CHI3L2: variants seen among roughly 807,000 people sequenced by gnomAD.
The protein encoded by CHI3L2 is chitinase-3-like protein 2.
A neutral mutation model predicts 47.3 loss-of-function variants in CHI3L2; 47 were observed. The observed-to-expected ratio is 0.99, with a 90% CI of 0.79 to 1.27. CHI3L2 has a LOEUF of 1.27. Ranked by LOEUF, CHI3L2 falls within the 50% of genes most tolerant of loss-of-function variation. CHI3L2 has a pLI of 0.00. For synonymous variants in CHI3L2, 198 were observed against 169.9 expected, an observed-to-expected ratio of 1.17 and a Z score of -1.28; for missense variants, 497 against 462.1, an observed-to-expected ratio of 1.08 and a Z score of -0.69.
At position 111,241,405 on chromosome 1, in the gene CHI3L2, T is replaced by G; in HGVS notation, c.997T>G (p.Trp333Gly). ...QVPYAVKGNQWVGYDDVKSME... is the reference protein window; with the variant it reads ...QVPYAVKGNQGVGYDDVKSME... ...TCCCTACGCAGTCAAGGGGAACCAGTGGGTGGGCTATGATGATGTGAAGAG... is the reference window on the plus strand; with the variant it reads ...TCCCTACGCAGTCAAGGGGAACCAGGGGGTGGGCTATGATGATGTGAAGAG... Residue 333 changes from tryptophan (W) to glycine (G), a missense_variant, in exon 9 of 11, where the codon TGG becomes GGG. Trp to Gly is a radical substitution (Grantham distance 184). Transcript: ENST00000369748. 6.2e-7 allele frequency: 1 copy of G among 1,607,760 alleles called. No homozygotes were observed. Among genetic ancestry groups the G allele is most frequent in the Non-Finnish European group, 8.5e-7 (1 of 1,174,254 alleles).
chr1:111,227,793 G>A, intron 1 of CHI3L2, 24 bp downstream of exon 1: 1 of 1,612,430 alleles, frequency 6.2e-7, no homozygotes, highest in Non-Finnish European at 8.5e-7. Flanking sequence ...TGATAATTCA[G>A]CAGGAAATTT....
intron 8 of CHI3L2, among the ~76,000 whole-genome samples, chr1:111,240,858 A>G (rs1305301240): frequency 6.6e-6 from 1 of 152,248 alleles, no homozygotes; most frequent in African/African-American, 2.4e-5. Context: ...TGGAGATGCT[A>G]CAAGATGAGG....
In CHI3L2 at chr1:111,239,102, A is replaced by G. The variant is rs139864279; in HGVS notation, c.918+170A>G. Among the ~76,000 whole-genome samples, 135 of 152,324 alleles carry G rather than the reference A, an allele frequency of 8.9e-4. 1 individual carries two copies. The highest frequency in any genetic ancestry group is 3.1e-3 in the African/African-American group (130 of 41,588). On this transcript the variant is annotated intron_variant, in intron 8 of 10. Coordinates refer to ENST00000369748, the MANE Select transcript of CHI3L2 (RefSeq NM_004000.3). Reference sequence around the variant, plus strand: ...CTCTGGGTTGGGAGAGGGTCAGGGAATGCTTCCTGGAGGAAGTGAAATAAG... The same window carrying G: ...CTCTGGGTTGGGAGAGGGTCAGGGAGTGCTTCCTGGAGGAAGTGAAATAAG...
At chr1:111,238,338 T>C (rs1237226376) in intron 7 of CHI3L2, among the ~76,000 whole-genome samples, 1 of 152,212 alleles carries the variant, frequency 6.6e-6, no homozygotes, top group Non-Finnish European at 1.5e-5. Flanking sequence ...TCCCATTGGG[T>C]GCAAGGTCAT....
In CHI3L2 at chr1:111,229,854, G is replaced by C; in HGVS notation, c.43G>C (p.Val15Leu). The change falls in exon 2 of 11, where the codon GTA (valine) becomes CTA (leucine). Residue 15 changes from valine (V) to leucine (L), a missense_variant and splice_region_variant. Physicochemically the swap from Val to Leu is conservative, Grantham distance 32. Coordinates refer to ENST00000369748, the MANE Select transcript of CHI3L2 (RefSeq NM_004000.3). Reference protein sequence around the residue: ...TMDQKSLWAGVVVLLLLQGGS... With the variant: ...TMDQKSLWAGLVVLLLLQGGS... Reference sequence around the variant, plus strand: ...CTCTTTCCACCCATCTATTGCAGGTGTAGTGGTCTTGCTGCTTCTCCAGGG... The same window carrying C: ...CTCTTTCCACCCATCTATTGCAGGTCTAGTGGTCTTGCTGCTTCTCCAGGG... The C allele has an allele frequency of 6.2e-7, 1 of 1,613,984 alleles. No homozygotes were observed. The highest frequency in any genetic ancestry group is 1.3e-5 in the African/African-American group (1 of 74,990).
chr1:111,236,117 G>C lies in CHI3L2; in HGVS notation c.699G>C (p.Gly233=). 6.2e-7 allele frequency: 1 copy of C among 1,614,220 alleles called. No individual in the cohort carries two copies. Among genetic ancestry groups the C allele is most frequent in the South Asian group, 1.1e-5 (1 of 91,084 alleles). The change falls in exon 7 of 11, where the codon GGG becomes GGC. Residue 233 remains glycine (G), a synonymous_variant. Transcript: ENST00000369748. ...GCCACAACAGCCCTCTGAGCAAGGG[G>C]TGGCAGGACAGAGGGCCAAGCTCCT... ...ITGHNSPLSK[G]WQDRGPSSYY...
chr1:111,228,170 A>G (rs1659582439), intron 1 of CHI3L2, among the ~76,000 whole-genome samples: 1 of 152,192 alleles, frequency 6.6e-6, no homozygotes, highest in Admixed American at 6.5e-5. Flanking sequence ...TCTCATCTGC[A>G]GAATGGTTTA....
At chr1:111,228,427 C>G (rs543505473) in intron 1 of CHI3L2, among the ~76,000 whole-genome samples, 2 of 152,366 alleles carry the variant, frequency 1.3e-5, no homozygotes, top group East Asian at 3.9e-4. Flanking sequence ...GAAGCCCCCA[C>G]TTGGCAAGAG....
At chr1:111,232,467 A>T (rs780729366) in intron 4 of CHI3L2, among the ~76,000 whole-genome samples, 5 of 152,204 alleles carry the variant, frequency 3.3e-5, no homozygotes, top group Non-Finnish European at 5.9e-5. Context: ...TTCCCTTTAG[A>T]TGCATGCAAG....
intron 1 of CHI3L2, among the ~76,000 whole-genome samples, chr1:111,228,328 G>A (rs191448911): frequency 6.6e-6 from 1 of 152,320 alleles, no homozygotes; most frequent in East Asian, 1.9e-4. Flanking sequence ...TTTACCAGGA[G>A]GGGAGGGGAG....
At chr1:111,229,031 T>G (rs1258244547) in intron 1 of CHI3L2, among the ~76,000 whole-genome samples, 1 of 152,236 alleles carries the variant, frequency 6.6e-6, no homozygotes, top group Admixed American at 6.5e-5. Flanking sequence ...TAATTGTTTA[T>G]ACATAGTGGG....
chr1:111,229,973 T>A, intron 2 of CHI3L2, 92 bp downstream of exon 2: 1 of 1,399,898 alleles, frequency 7.1e-7, no homozygotes, highest in South Asian at 1.2e-5. Context: ...ACATGCTTTT[T>A]CTCTTGATTA....
At chr1:111,230,213 GGT>G (rs1659674199) in intron 2 of CHI3L2, among the ~76,000 whole-genome samples, 1 of 151,762 alleles carries the variant, frequency 6.6e-6, no homozygotes, top group Non-Finnish European at 1.5e-5. Flanking sequence ...GTGCTCCATG[GGT>G]GTTTCATATG....
At chr1:111,230,308 C>A (rs1393387992) in intron 2 of CHI3L2, among the ~76,000 whole-genome samples, 1 of 152,018 alleles carries the variant, frequency 6.6e-6, no homozygotes, top group Non-Finnish European at 1.5e-5. Flanking sequence ...GGCTGTAGTG[C>A]AGTGGTGTGA....
At chr1:111,242,841 G>A (rs1328663871) in intron 10 of CHI3L2, among the ~76,000 whole-genome samples, 2 of 152,182 alleles carry the variant, frequency 1.3e-5, no homozygotes, top group East Asian at 3.9e-4. Context: ...GGTCATTATT[G>A]CTACGCCTTT....
chr1:111,229,942 T>A, intron 2 of CHI3L2, 61 bp downstream of exon 2: 1 of 1,590,258 alleles, frequency 6.3e-7, no homozygotes, highest in East Asian at 2.2e-5. Context: ...TCATTTTTGA[T>A]GTACAGTTTC....
intron 4 of CHI3L2, among the ~76,000 whole-genome samples, chr1:111,233,513 TTCCAAGGGTGTAAAGTG>T (rs1659786271): frequency 1.3e-5 from 2 of 152,314 alleles, no homozygotes; most frequent in South Asian, 2.1e-4. Context: ...CAAACTGCTT[TTCCAAGGGTGTAAAGTG>T]TTAAAGAAAA....
intron 10 of CHI3L2, 43 bp from the exon 11 acceptor site, chr1:111,243,174 T>C (rs970819671): frequency 1.8e-5 from 8 of 455,916 alleles, no homozygotes; most frequent in African/African-American, 1.6e-4. Flanking sequence ...TAGGCCTCAG[T>C]TTACTGAGTT....
chr1:111,230,610 G>C, intron 2 of CHI3L2, 132 bp from the exon 3 acceptor site: 1 of 720,368 alleles, frequency 1.4e-6, no homozygotes, highest in East Asian at 2.7e-5. Context: ...AAAGGCCCAG[G>C]CTGAATGACC....
Sources: allele counts gnomAD v4.1 joint callset (sites outside exome capture counted in the v4.1 genomes callset), GRCh38; gene constraint gnomAD v4.1.1; transcripts MANE v1.5; gene names NCBI Gene and HGNC (gene_info 2026-07-23, HGNC 2026-07-21).